The following LRFN2 variants were observed in gnomAD, a reference collection of about 807,000 sequenced individuals.
LRFN2 encodes the protein leucine rich repeat and fibronectin type III domain containing 2.
Under a neutral mutation model 37.3 loss-of-function variants are expected in LRFN2, and 18 were observed. The ratio of observed to expected loss-of-function variants is 0.48; its 90% CI spans 0.33 to 0.72. The LOEUF is 0.72. Among genes scored for constraint, LRFN2 ranks in the 30% least tolerant of loss-of-function variants. LRFN2 has a pLI of 0.02. For missense variants in LRFN2, 1,006 were observed against 1,060.7 expected, an observed-to-expected ratio of 0.95 and a Z score of 0.72; for synonymous variants, 556 against 466.6, an observed-to-expected ratio of 1.19 and a Z score of -2.47.
chr6:40,407,192 G>GT (rs1422784746), intron 2 of LRFN2, among the ~76,000 whole-genome samples: 1 of 152,228 alleles, frequency 6.6e-6, no homozygotes, highest in Admixed American at 6.5e-5. Context: ...CTCATTCTGT[G>GT]TATGTGTGTG....
chr6:40,439,248 G>A (rs1763773759), intron 1 of LRFN2, among the ~76,000 whole-genome samples: 1 of 152,214 alleles, frequency 6.6e-6, no homozygotes, highest in African/African-American at 2.4e-5. Context: ...CAAGTAAGAT[G>A]CCTGTCTCCG....
At chr6:40,501,222 G>GA (rs1414634644) in intron 1 of LRFN2, among the ~76,000 whole-genome samples, 2 of 151,336 alleles carry the variant, frequency 1.3e-5, no homozygotes, top group African/African-American at 2.4e-5. Context: ...AAAAAGACTG[G>GA]AAAAAAGCAC....
intron 1 of LRFN2, among the ~76,000 whole-genome samples, chr6:40,574,005 C>A (rs1176930013): frequency 6.6e-6 from 1 of 152,162 alleles, no homozygotes; most frequent in Non-Finnish European, 1.5e-5. Flanking sequence ...GAAAGTACTG[C>A]ATCCCAGGAA....
At chr6:40,551,972 C>T (rs908192322) in intron 1 of LRFN2, among the ~76,000 whole-genome samples, 10 of 152,142 alleles carry the variant, frequency 6.6e-5, no homozygotes, top group African/African-American at 2.4e-5. Flanking sequence ...AAAAGACCTA[C>T]CCAAGTCACA....
intron 1 of LRFN2, among the ~76,000 whole-genome samples, chr6:40,484,927 A>G (rs1764920026): frequency 6.6e-6 from 1 of 152,326 alleles, no homozygotes; most frequent in African/African-American, 2.4e-5. Context: ...GAGATCAGAG[A>G]GTTTTGAGAA....
In LRFN2 at chr6:40,431,851, G is replaced by A. The variant is rs771437715; in HGVS notation, c.1263C>T (p.Pro421=). The stretch of plus-strand genomic sequence containing the variant: ...CAGACACAAGCACAGCCCGTTCCGG[G>A]GGGCTTTTGGGAGGCTCTCCGCCCC... The part of the protein sequence containing the change: ...GSGGGEPPKS[P]PERAVLVSEV... The change falls in exon 2 of 3, where the codon CCC becomes CCT. Residue 421 remains proline (P), a synonymous_variant. Coordinates refer to ENST00000338305, the MANE Select transcript of LRFN2 (RefSeq NM_020737.3). 1.9e-6 allele frequency: 3 copies of A among 1,587,284 alleles called. No individual in the cohort carries two copies. In the Admixed American group the frequency reaches 5.1e-5, roughly 27 times the overall value.
rs1223904188 is a variant in LRFN2, at chr6:40,432,955, C to T, written c.159G>A (p.Arg53=). Reference sequence around the variant, plus strand: ...TGCCGCCCAGGCGCAGCTCCACTGTCCGCCGGTCAATATCAGGGGGTACAA... The same window carrying T: ...TGCCGCCCAGGCGCAGCTCCACTGTTCGCCGGTCAATATCAGGGGGTACAA... ...LLFVPPDIDR[R]TVELRLGGNF... The change falls in exon 2 of 3, where the codon CGG becomes CGA. Residue 53 remains arginine (R), a synonymous_variant. Transcript: ENST00000338305. 6.2e-7 allele frequency: 1 copy of T among 1,613,582 alleles called. No individual in the cohort carries two copies. The highest frequency in any genetic ancestry group is 1.3e-5 in the African/African-American group (1 of 74,944).
At chr6:40,461,103 A>G (rs1480582493) in intron 1 of LRFN2, among the ~76,000 whole-genome samples, 1 of 152,210 alleles carries the variant, frequency 6.6e-6, no homozygotes, top group Non-Finnish European at 1.5e-5. Context: ...CTGAAAAGTG[A>G]CATTAGAAAT....
chr6:40,474,407 C>T (rs1764666587), intron 1 of LRFN2, among the ~76,000 whole-genome samples: 1 of 152,150 alleles, frequency 6.6e-6, no homozygotes, highest in African/African-American at 2.4e-5. Context: ...CTTTTCTGTG[C>T]CTGTCTCTTC....
chr6:40,547,655 A>T (rs181146127), intron 1 of LRFN2, among the ~76,000 whole-genome samples: 1 of 152,216 alleles, frequency 6.6e-6, no homozygotes, highest in Admixed American at 6.5e-5. Flanking sequence ...AACTGGGAAG[A>T]TCAACAGAAG....
intron 1 of LRFN2, among the ~76,000 whole-genome samples, chr6:40,510,990 G>C (rs1189145306): frequency 1.3e-5 from 2 of 152,198 alleles, no homozygotes; most frequent in African/African-American, 4.8e-5. Flanking sequence ...AGAAAGGATA[G>C]AGCCAGGATA....
At chr6:40,542,100 C>T (rs563591574) in intron 1 of LRFN2, among the ~76,000 whole-genome samples, 1 of 152,362 alleles carries the variant, frequency 6.6e-6, no homozygotes, top group East Asian at 1.9e-4. Flanking sequence ...CTCACGCAGA[C>T]ACACGCAAAT....
At chr6:40,500,992 T>C (rs1416952259) in intron 1 of LRFN2, among the ~76,000 whole-genome samples, 1 of 151,308 alleles carries the variant, frequency 6.6e-6, no homozygotes, top group Admixed American at 6.6e-5. Flanking sequence ...ACTCTATTGA[T>C]TAGAAAAGAA....
At chr6:40,570,606 G>C (rs1019715439) in intron 1 of LRFN2, among the ~76,000 whole-genome samples, 1 of 152,198 alleles carries the variant, frequency 6.6e-6, no homozygotes, top group Non-Finnish European at 1.5e-5. Context: ...AGCAGATACA[G>C]AGTGTGGAAA....
At chr6:40,512,292 G>A (rs1339739145) in intron 1 of LRFN2, among the ~76,000 whole-genome samples, 2 of 152,132 alleles carry the variant, frequency 1.3e-5, no homozygotes, top group Non-Finnish European at 2.9e-5. Flanking sequence ...CGCTTCCTGT[G>A]GATAACACTG....
At chr6:40,500,108 A>G (rs754484505) in intron 1 of LRFN2, among the ~76,000 whole-genome samples, 5 of 152,240 alleles carry the variant, frequency 3.3e-5, no homozygotes, top group Non-Finnish European at 7.3e-5. Flanking sequence ...GACTGCAGAC[A>G]GCAATGCCTG....
intron 1 of LRFN2, among the ~76,000 whole-genome samples, chr6:40,442,330 G>A (rs1410970432): frequency 6.6e-6 from 1 of 152,200 alleles, no homozygotes; most frequent in African/African-American, 2.4e-5. Flanking sequence ...ATTAAAATAG[G>A]CTTTTCTTTT....
At chr6:40,521,641 G>A (rs1489768251) in intron 1 of LRFN2, among the ~76,000 whole-genome samples, 1 of 152,240 alleles carries the variant, frequency 6.6e-6, no homozygotes, top group East Asian at 1.9e-4. Context: ...GAGGGACTGT[G>A]TGGCAGGGAG....
In LRFN2 at chr6:40,577,078, ATTTTC is replaced by A. The variant is rs201046012; in HGVS notation, c.-19+9858_-19+9862del. Among the ~76,000 whole-genome samples, 19 of 56,904 alleles carry A rather than the reference ATTTTC, an allele frequency of 3.3e-4. 3 individuals carry two copies. The highest frequency in any genetic ancestry group is 8.6e-4 in the African/African-American group (12 of 13,914). The allele number at this position is 56,904 out of a possible 152,430, so 37.3% of individuals were successfully genotyped here. ...TCTTCTGGGTCCTGGTCCAAGGCCC[ATTTTC>A]TTTTCTTTTCTTTTCTTTTCCTTTC... On this transcript the variant is annotated intron_variant, in intron 1 of 2. Transcript: ENST00000338305.
Sources: allele counts gnomAD v4.1 joint callset (sites outside exome capture counted in the v4.1 genomes callset), GRCh38; gene constraint gnomAD v4.1.1; transcripts MANE v1.5; gene names NCBI Gene and HGNC (gene_info 2026-07-23, HGNC 2026-07-21).